Variants in SAMSN1 observed in about 807,000 individuals in gnomAD.
SAMSN1 encodes the protein SAM domain-containing protein SAMSN-1.
SAMSN1 carries 31 observed loss-of-function variants against 42.0 expected under a neutral mutation model. The ratio of observed to expected loss-of-function variants is 0.74; its 90% CI spans 0.55 to 1.00. SAMSN1 has a LOEUF of 1.00. Among genes scored for constraint, SAMSN1 ranks in the 50% least tolerant of loss-of-function variants. The pLI, the probability that SAMSN1 is intolerant of heterozygous loss-of-function variation, is 0.00. For synonymous variants in SAMSN1, 178 were observed against 151.9 expected (o/e 1.17, Z -1.26); for missense variants, 464 against 439.4 (o/e 1.06, Z -0.50).
intron 1 of SAMSN1, among the ~76,000 whole-genome samples, chr21:14,652,815 A>G (rs1415326335): frequency 6.6e-6 from 1 of 152,048 alleles, no homozygotes; most frequent in East Asian, 1.9e-4. Flanking sequence ...CAGAACACAC[A>G]TGGAACTCAA....
chr21:14,646,320 G>C (rs1176113349), intron 1 of SAMSN1, among the ~76,000 whole-genome samples: 4 of 152,146 alleles, frequency 2.6e-5, no homozygotes, highest in Admixed American at 2.0e-4. Context: ...TCCGGCAACA[G>C]ACTTTTCAGT....
At chr21:14,618,838 T>C (rs1982926734) in intron 2 of SAMSN1, among the ~76,000 whole-genome samples, 1 of 152,234 alleles carries the variant, frequency 6.6e-6, no homozygotes, top group Admixed American at 6.5e-5. Flanking sequence ...AACTTACTCC[T>C]GTTAGCCTTC....
At chr21:14,620,426 C>T (rs1292588) in intron 2 of SAMSN1, among the ~76,000 whole-genome samples, 24,882 of 152,160 alleles carry the variant, frequency 0.16, 2,683 homozygotes, top group African/African-American at 0.31. Flanking sequence ...CCCCTTCTGT[C>T]ATGACTGTAA....
chr21:14,496,349 T>A (rs1170627167), intron 7 of SAMSN1: 1 of 152,232 alleles, frequency 6.6e-6, no homozygotes, highest in Non-Finnish European at 1.5e-5. Flanking sequence ...TTCTTTGAAA[T>A]TCATCTCCAA....
chr21:14,623,990 C>T (rs1983092941), intron 2 of SAMSN1, among the ~76,000 whole-genome samples: 2 of 152,226 alleles, frequency 1.3e-5, no homozygotes, highest in Non-Finnish European at 2.9e-5. Flanking sequence ...AACTGCTCAA[C>T]TACATGGAAA....
chr21:14,587,112 G>C (rs1981942358), upstream of SAMSN1, among the ~76,000 whole-genome samples: 1 of 152,114 alleles, frequency 6.6e-6, no homozygotes, highest in Non-Finnish European at 1.5e-5. Flanking sequence ...ACTGAATTTT[G>C]ATTTTCCATT....
chr21:14,514,485 G>A (rs1209518145), intron 3 of SAMSN1, among the ~76,000 whole-genome samples: 2 of 152,168 alleles, frequency 1.3e-5, no homozygotes, highest in Non-Finnish European at 2.9e-5. Flanking sequence ...GCAATTAGGG[G>A]ATTATGATAG....
At chr21:14,547,993 T>G (rs182486781), upstream of SAMSN1, among the ~76,000 whole-genome samples, 2 of 152,262 alleles carry the variant, frequency 1.3e-5, no homozygotes, top group East Asian at 3.9e-4. Context: ...CTGAGAATGT[T>G]GAGGTGGGGT....
At chr21:14,625,194 C>T (rs9979217) in intron 2 of SAMSN1, among the ~76,000 whole-genome samples, 26 of 151,774 alleles carry the variant, frequency 1.7e-4, no homozygotes, top group African/African-American at 3.1e-4. Context: ...AAAAACTGGA[C>T]GCATTCCCTT....
chr21:14,508,363 A>C (rs180897783), intron 5 of SAMSN1, among the ~76,000 whole-genome samples: 2 of 152,172 alleles, frequency 1.3e-5, no homozygotes, highest in Non-Finnish European at 2.9e-5. Context: ...ACAAGAAAAA[A>C]AAACAAACAA....
chr21:14,649,448 AG>A lies in SAMSN1; in HGVS notation c.25-6316del, dbSNP rs565881468. Among the ~76,000 whole-genome samples, 542 of 152,226 alleles carry A rather than the reference AG, an allele frequency of 3.6e-3. 1 individual carries two copies. The highest frequency in any genetic ancestry group is 5.6e-3 in the Non-Finnish European group (384 of 67,992). On this transcript the variant is annotated intron_variant, in intron 1 of 15. Transcript: ENST00000647101. ...CAATAAAAGAAAAAATTTTAAAAAAAGTTATGAAAAAAATAAATTAATTAAA... is the reference window on the plus strand; with the variant it reads ...CAATAAAAGAAAAAATTTTAAAAAAATTATGAAAAAAATAAATTAATTAAA...
At chr21:14,519,286 AT>A (rs1743930419) in intron 2 of SAMSN1, among the ~76,000 whole-genome samples, 1 of 152,140 alleles carries the variant, frequency 6.6e-6, no homozygotes, top group Non-Finnish European at 1.5e-5. Context: ...TATGCACACT[AT>A]TTTATTAGGT....
chr21:14,536,812 C>T (rs569307851), intron 1 of SAMSN1, among the ~76,000 whole-genome samples: 3 of 152,262 alleles, frequency 2.0e-5, no homozygotes, highest in Non-Finnish European at 2.9e-5. Flanking sequence ...AGAATGGGAC[C>T]GGACAGTGGA....
chr21:14,526,199 T>C (rs1219470551), intron 1 of SAMSN1, among the ~76,000 whole-genome samples: 1 of 152,204 alleles, frequency 6.6e-6, no homozygotes, highest in Non-Finnish European at 1.5e-5. Context: ...AATCAATTTG[T>C]TTAAAAACAA....
At chr21:14,590,368 C>T (rs2051211361) in intron 7 of SAMSN1, among the ~76,000 whole-genome samples, 1 of 152,142 alleles carries the variant, frequency 6.6e-6, no homozygotes, top group South Asian at 2.1e-4. Context: ...GCTTTGAACT[C>T]CTGAGCTCAG....
chr21:14,548,522 C>G (rs1411574986), upstream of SAMSN1, among the ~76,000 whole-genome samples: 3 of 152,064 alleles, frequency 2.0e-5, no homozygotes, highest in African/African-American at 7.2e-5. Context: ...TTATGGATCT[C>G]TAGGCACTTC....
At chr21:14,596,307 C>T (rs1053629132) in intron 6 of SAMSN1, among the ~76,000 whole-genome samples, 43 of 151,970 alleles carry the variant, frequency 2.8e-4, no homozygotes, top group South Asian at 4.2e-4. Context: ...TTCAAGATAA[C>T]GAAATATAGC....
chr21:14,530,576 AT>A (rs1276210661), intron 1 of SAMSN1, among the ~76,000 whole-genome samples: 1 of 152,118 alleles, frequency 6.6e-6, no homozygotes, highest in East Asian at 1.9e-4. Context: ...TTTCACTGGG[AT>A]TTTTCATTGT....
intron 2 of SAMSN1, among the ~76,000 whole-genome samples, chr21:14,560,457 AAGATTAAACTTC>A (rs766209376): frequency 2.0e-5 from 3 of 152,160 alleles, no homozygotes; most frequent in Non-Finnish European, 2.9e-5. Context: ...TCTTAGAGCA[AAGATTAAACTTC>A]AAAACATGTC....
Sources: allele counts gnomAD v4.1 joint callset (sites outside exome capture counted in the v4.1 genomes callset), GRCh38; gene constraint gnomAD v4.1.1; transcripts MANE v1.5; gene names NCBI Gene and HGNC (gene_info 2026-07-23, HGNC 2026-07-21).